The following CNDP1 variants were observed in gnomAD, a reference collection of about 807,000 sequenced individuals.
The protein encoded by CNDP1 is carnosine dipeptidase 1.
CNDP1 carries 44 observed loss-of-function variants against 58.1 expected under a neutral mutation model. The ratio of observed to expected loss-of-function variants is 0.76; its 90% CI spans 0.60 to 0.97. The LOEUF (loss-of-function observed/expected upper bound fraction) is 0.97, where lower values mean the gene tolerates loss of function less well. Ranked by LOEUF, CNDP1 falls within the 50% of genes least tolerant of loss-of-function variation. The probability of loss-of-function intolerance (pLI) is 0.00; values close to 1 mark genes in which losing one functional copy is unlikely to be tolerated. For missense variants in CNDP1, 616 were observed against 655.1 expected, an observed-to-expected ratio of 0.94 and a Z score of 0.65; for synonymous variants, 254 against 252.6, an observed-to-expected ratio of 1.01 and a Z score of -0.05.
chr18:74,544,188 T>A (rs559307597), intron 1 of CNDP1, among the ~76,000 whole-genome samples: 2 of 151,490 alleles, frequency 1.3e-5, no homozygotes, highest in African/African-American at 4.8e-5. Context: ...AGAGTTTGAG[T>A]TTGCAGTGAG....
At chr18:74,570,033 C>CAAAAAA (rs56365298) in intron 6 of CNDP1, among the ~76,000 whole-genome samples, 2 of 94,144 alleles carry the variant, frequency 2.1e-5, no homozygotes, top group African/African-American at 8.7e-5. Flanking sequence ...GAAGAAAATA[C>CAAAAAA]AAAAAAAAAA....
At chr18:74,560,791 GT>G (rs1981172938) in intron 3 of CNDP1, 64 bp from the exon 4 acceptor site, 1 of 1,489,250 alleles carries the variant, frequency 6.7e-7, no homozygotes, top group African/African-American at 1.4e-5. Flanking sequence ...CCAATGTCAT[GT>G]CTTTGAATTT....
chr18:74,567,406 C>G lies in CNDP1; in HGVS notation c.729C>G (p.Thr243=). 2 of 1,613,940 alleles carry G rather than the reference C, an allele frequency of 1.2e-6. No individual in the cohort carries two copies. Among genetic ancestry groups the G allele is most frequent in the Non-Finnish European group, 1.7e-6 (2 of 1,179,872 alleles). The stretch of plus-strand genomic sequence containing the variant: ...GGAAGCCAGCAATCACTTACGGAAC[C>G]CGGGGGAACAGCTACTTCATGGTGG... ...SQRKPAITYG[T]RGNSYFMVEV... is the part of the protein sequence containing the mutation. The change falls in exon 6 of 12, where the codon ACC becomes ACG. Residue 243 remains threonine, a synonymous_variant. Transcript: ENST00000358821.
intron 1 of CNDP1, among the ~76,000 whole-genome samples, chr18:74,540,569 C>T (rs895704142): frequency 2.6e-5 from 4 of 152,186 alleles, no homozygotes; most frequent in Admixed American, 6.5e-5. Context: ...TCTTGGGGAA[C>T]CTCAGTGAGG....
At position 74,586,487 on chromosome 18, in the gene CNDP1, CTG is replaced by C. The variant is rs1437486022; in HGVS notation, c.*1927_*1928del. On this transcript the variant is annotated 3_prime_UTR_variant, in exon 12 of 12. Coordinates refer to ENST00000358821, the MANE Select transcript of CNDP1 (RefSeq NM_032649.6). The stretch of plus-strand genomic sequence containing the variant: ...TAACATAAGTTTATTATAAAATACA[CTG>C]TAAGCATTTCTGGCTAATGTACCAT... 1 of 152,172 alleles carries C rather than the reference CTG, an allele frequency of 6.6e-6. No individual in the cohort carries two copies. Among genetic ancestry groups the C allele is most frequent in the African/African-American group, 2.4e-5 (1 of 41,442 alleles). The allele number at this position is 152,172 out of a possible 1,614,324, so 9.4% of individuals were successfully genotyped here. A position where few individuals can be genotyped will look rare whatever the true frequency, so the allele number is the denominator to read the frequency against.
At chr18:74,540,402 C>T (rs1347137942) in intron 1 of CNDP1, among the ~76,000 whole-genome samples, 2 of 152,134 alleles carry the variant, frequency 1.3e-5, no homozygotes, top group East Asian at 3.9e-4. Flanking sequence ...TCAGGTGATC[C>T]ACCCGCCTCA....
chr18:74,556,850 CA>C (rs1981055311), intron 2 of CNDP1, among the ~76,000 whole-genome samples: 1 of 152,230 alleles, frequency 6.6e-6, no homozygotes, highest in South Asian at 2.1e-4. Flanking sequence ...AGTTCAACAG[CA>C]GCGTTGTTTG....
intron 1 of CNDP1, among the ~76,000 whole-genome samples, chr18:74,553,949 C>T (rs1168831446): frequency 2.6e-5 from 4 of 152,318 alleles, no homozygotes; most frequent in African/African-American, 7.2e-5. Flanking sequence ...TCTCTGTCCT[C>T]TCAGAGCCAC....
intron 1 of CNDP1, among the ~76,000 whole-genome samples, 153 bp downstream of exon 1, chr18:74,534,844 C>T (rs1980446993): frequency 6.6e-6 from 1 of 152,142 alleles, no homozygotes; most frequent in South Asian, 2.1e-4. Flanking sequence ...CTGTCTTGGC[C>T]GAGGAATGTG....
intron 2 of CNDP1, among the ~76,000 whole-genome samples, chr18:74,557,223 T>C (rs1161957832): frequency 6.8e-6 from 1 of 148,004 alleles, no homozygotes; most frequent in Non-Finnish European, 1.5e-5. Context: ...TGGCCCTCTT[T>C]TTTTCTGTTA....
chr18:74,560,719 T>A (rs1047480745), intron 3 of CNDP1, 137 bp from the exon 4 acceptor site: 6 of 811,972 alleles, frequency 7.4e-6, no homozygotes, highest in Admixed American at 2.2e-5. Flanking sequence ...AAGTGTTTCA[T>A]GGGACTCATT....
chr18:74,534,827 T>C, intron 1 of CNDP1, 136 bp downstream of exon 1: 1 of 871,306 alleles, frequency 1.1e-6, no homozygotes, highest in Non-Finnish European at 1.9e-6. Flanking sequence ...CATGGTGTTC[T>C]TAGGTGCTGT....
chr18:74,567,983 C>T (rs894041495), intron 6 of CNDP1, among the ~76,000 whole-genome samples: 26 of 152,198 alleles, frequency 1.7e-4, no homozygotes, highest in South Asian at 2.1e-4. Flanking sequence ...GGTACAATAA[C>T]GCCCCCTCCC....
intron 11 of CNDP1, 179 bp downstream of exon 11, chr18:74,583,887 G>A: frequency 1.6e-6 from 1 of 628,140 alleles, no homozygotes; most frequent in South Asian, 2.1e-5. Context: ...TAGATCAGGT[G>A]CCAGGCCATT....
chr18:74,558,905 C>T (rs1203707680), intron 2 of CNDP1, among the ~76,000 whole-genome samples: 3 of 152,132 alleles, frequency 2.0e-5, no homozygotes. Flanking sequence ...CTGTGGGGTT[C>T]AGTCACGGCT....
intron 1 of CNDP1, among the ~76,000 whole-genome samples, chr18:74,555,954 A>G (rs1981026237): frequency 6.6e-6 from 1 of 152,048 alleles, no homozygotes; most frequent in Admixed American, 6.5e-5. Context: ...CACATGGAAG[A>G]TTTTTGCGTG....
chr18:74,583,432 C>A, intron 10 of CNDP1, 129 bp from the exon 11 acceptor site: 1 of 758,538 alleles, frequency 1.3e-6, no homozygotes, highest in Non-Finnish European at 2.2e-6. Flanking sequence ...AGCACCAAAT[C>A]TAATGGTAAA....
chr18:74,584,029 C>T (rs1981853462), intron 11 of CNDP1: 3 of 333,710 alleles, frequency 9.0e-6, no homozygotes, highest in African/African-American at 4.2e-5. Flanking sequence ...CTCATTTAAC[C>T]TTTATTATCT....
chr18:74,575,085 G>GAAGGAAGGAGAGAAAGA (rs1981593408), intron 7 of CNDP1, among the ~76,000 whole-genome samples: 1 of 146,842 alleles, frequency 6.8e-6, no homozygotes, highest in African/African-American at 2.5e-5. Context: ...GGAAAGAAAG[G>GAAGGAAGGAGAGAAAGA]AAGGAAGGAA....
Sources: gnomAD v4.1 joint callset for allele counts (sites outside exome capture counted in the v4.1 genomes callset) on GRCh38, gnomAD v4.1.1 for gene constraint, MANE v1.5 for transcripts, NCBI Gene and HGNC (gene_info 2026-07-23, HGNC 2026-07-21) for gene names.